The following MGAM2 variants were observed in gnomAD, a reference collection of about 807,000 sequenced individuals.
MGAM2 encodes the protein probable maltase-glucoamylase 2.
MGAM2 carries 98 observed loss-of-function variants against 96.1 expected under a neutral mutation model. The observed-to-expected ratio is 1.02, with a 90% CI of 0.87 to 1.21. The LOEUF (loss-of-function observed/expected upper bound fraction) is 1.21. Ranked by LOEUF, MGAM2 falls within the 50% of genes most tolerant of loss-of-function variation. The pLI is 0.00. For synonymous variants in MGAM2, 749 were observed against 414.8 expected, an observed-to-expected ratio of 1.81 and a Z score of -9.79; for missense variants, 2,055 against 1,182.4, an observed-to-expected ratio of 1.74 and a Z score of -10.82.
chr7:142,217,970 G>C (rs530617134), intron 46 of MGAM2, among the ~76,000 whole-genome samples: 28 of 152,224 alleles, frequency 1.8e-4, no homozygotes, highest in African/African-American at 5.8e-4. Context: ...TATAGTCCCA[G>C]CTGCTTAGGA....
At chr7:142,167,536 A>G (rs1324547285) in intron 26 of MGAM2, 50 bp downstream of exon 26, 8 of 702,266 alleles carry the variant, frequency 1.1e-5, no homozygotes, top group Middle Eastern at 4.6e-4. Context: ...TTTTTAATTT[A>G]CAGTGCTGTA....
chr7:142,112,317 G>A (rs867304929), intron 1 of MGAM2, among the ~76,000 whole-genome samples: 4 of 152,138 alleles, frequency 2.6e-5, no homozygotes, highest in East Asian at 3.9e-4. Context: ...TTCCCAGAGC[G>A]TTCCTGTACT....
intron 28 of MGAM2, 55 bp from the exon 29 acceptor site, chr7:142,172,043 G>T: frequency 1.6e-6 from 1 of 641,962 alleles, no homozygotes; most frequent in Non-Finnish European, 2.9e-6. Context: ...TTGGGTTATG[G>T]TATGAAAACA....
intron 1 of MGAM2, among the ~76,000 whole-genome samples, chr7:142,114,109 C>T (rs1201649208): frequency 1.4e-5 from 2 of 140,082 alleles, no homozygotes; most frequent in Non-Finnish European, 3.0e-5. Context: ...CCAGCCAGGG[C>T]AACAGAGCGA....
At chr7:142,178,399 G>A (rs1230292468) in intron 32 of MGAM2, among the ~76,000 whole-genome samples, 1 of 152,064 alleles carries the variant, frequency 6.6e-6, no homozygotes, top group Non-Finnish European at 1.5e-5. Flanking sequence ...CATTGCAATT[G>A]CTTTTGAGGA....
At chr7:142,125,011 C>T (rs553896834) in intron 3 of MGAM2, among the ~76,000 whole-genome samples, 2 of 152,148 alleles carry the variant, frequency 1.3e-5, no homozygotes, top group East Asian at 3.9e-4. Flanking sequence ...AATGTGCATT[C>T]CATTTTCTTC....
intron 7 of MGAM2, among the ~76,000 whole-genome samples, chr7:142,135,726 A>T (rs1189734094): frequency 7.2e-6 from 1 of 138,780 alleles, no homozygotes; most frequent in Non-Finnish European, 1.6e-5. Flanking sequence ...TTAGAGTTAC[A>T]CACACACACA....
chr7:142,146,917 G>C (rs1372857311), intron 14 of MGAM2, among the ~76,000 whole-genome samples: 1 of 151,852 alleles, frequency 6.6e-6, no homozygotes, highest in Non-Finnish European at 1.5e-5. Context: ...TAGTAAAGAC[G>C]GGGTTTCACC....
intron 28 of MGAM2, 80 bp from the exon 29 acceptor site, chr7:142,172,014 ATGAG>A: frequency 1.8e-6 from 1 of 543,642 alleles, no homozygotes; most frequent in East Asian, 3.0e-5. Context: ...ATCTTTAATG[ATGAG>A]TAAGAGTTTG....
At chr7:142,198,584 C>T (rs1017779228) in intron 43 of MGAM2, 31 bp from the exon 44 acceptor site, 70 of 699,830 alleles carry the variant, frequency 1.0e-4, no homozygotes, top group East Asian at 6.2e-4. Flanking sequence ...ATTTATCTCT[C>T]GCCATTTTTT....
In MGAM2 at chr7:142,200,469, T is replaced by C. The variant is rs1038484750; in HGVS notation, c.5137+501T>C. ...CTTACATCGATGAAATATTAATTTG[T>C]ATGTTTCCTTTCCCCAGTTGAGATA... On this transcript the variant is annotated intron_variant, in intron 45 of 47. Coordinates refer to ENST00000477922, the MANE Select transcript of MGAM2 (RefSeq NM_001293626.2). 3.3e-5 allele frequency among the ~76,000 whole-genome samples: 5 copies of C among 152,340 alleles called. No individual in the cohort carries two copies. In the South Asian group the frequency reaches 8.3e-4, roughly 25 times the overall value.
chr7:142,128,476 T>A (rs899738144), intron 3 of MGAM2, among the ~76,000 whole-genome samples: 1 of 152,344 alleles, frequency 6.6e-6, no homozygotes, highest in South Asian at 2.1e-4. Flanking sequence ...GTCAGAGGTC[T>A]TCAGAGCAGT....
At chr7:142,200,798 A>C (rs1423872338) in intron 45 of MGAM2, among the ~76,000 whole-genome samples, 1 of 152,186 alleles carries the variant, frequency 6.6e-6, no homozygotes, top group Non-Finnish European at 1.5e-5. Flanking sequence ...TTAAAGACAG[A>C]AAATTAGAAA....
intron 23 of MGAM2, among the ~76,000 whole-genome samples, chr7:142,163,365 T>A (rs977477843): frequency 7.2e-5 from 11 of 152,218 alleles, no homozygotes; most frequent in African/African-American, 2.4e-4. Flanking sequence ...CACTGCAACC[T>A]CCGCCTCCTG....
rs1563265891 is a variant in MGAM2, at chr7:142,158,097, T to C, written c.2078+6T>C. ...GCAAGGCCCCTTGTACATGAGTGAG[T>C]TTCCTGATTCTCAAAGACTCCCTTT... On this transcript the variant is annotated splice_donor_region_variant and intron_variant, in intron 18 of 47. Transcript: ENST00000477922. 1 of 701,376 alleles carries C rather than the reference T, an allele frequency of 1.4e-6. No individual in the cohort carries two copies. Among genetic ancestry groups the C allele is most frequent in the Admixed American group, 2.0e-5 (1 of 49,796 alleles). The allele number at this position is 701,376 out of a possible 1,614,324, so 43.4% of individuals were successfully genotyped here. A position where few individuals can be genotyped will look rare whatever the true frequency, so the allele number is the denominator to read the frequency against.
intron 17 of MGAM2, 94 bp from the exon 18 acceptor site, chr7:142,157,843 G>GA (rs1795779093): frequency 1.5e-6 from 1 of 647,610 alleles, no homozygotes; most frequent in East Asian, 2.7e-5. Context: ...CAAGTTGGAG[G>GA]AAGTGGCTAG....
At chr7:142,133,104 A>G (rs1396260181) in intron 6 of MGAM2, among the ~76,000 whole-genome samples, 1 of 136,396 alleles carries the variant, frequency 7.3e-6, no homozygotes, top group African/African-American at 2.7e-5. Context: ...ATAGACATTA[A>G]TTTATATTTA....
intron 28 of MGAM2, 73 bp downstream of exon 28, chr7:142,171,513 A>G (rs1308895284): frequency 6.1e-6 from 4 of 650,792 alleles, no homozygotes; most frequent in African/African-American, 1.8e-5. Context: ...ATGCTTATAT[A>G]TGATACCTTG....
intron 45 of MGAM2, among the ~76,000 whole-genome samples, chr7:142,203,882 T>G (rs910504397): frequency 2.0e-5 from 3 of 152,124 alleles, no homozygotes; most frequent in Admixed American, 6.6e-5. Flanking sequence ...GACCTCAAAC[T>G]ATAAAAATCC....
Sources: allele counts gnomAD v4.1 joint callset (sites outside exome capture counted in the v4.1 genomes callset), GRCh38; gene constraint gnomAD v4.1.1; transcripts MANE v1.5; gene names NCBI Gene and HGNC (gene_info 2026-07-23, HGNC 2026-07-21).